Variants in ABTB1 observed in about 807,000 individuals in gnomAD.
ABTB1 encodes ankyrin repeat and BTB/POZ domain-containing protein 1.
In ABTB1, 45 loss-of-function variants were observed where a neutral mutation model predicts 57.1. That is an observed-to-expected ratio of 0.79 (90% CI 0.62 to 1.01). The LOEUF (loss-of-function observed/expected upper bound fraction) is 1.01, where lower values mean the gene tolerates loss of function less well. Ranked by LOEUF, ABTB1 falls within the 50% of genes least tolerant of loss-of-function variation. ABTB1 has a pLI of 0.00. For missense variants in ABTB1, 630 were observed against 666.3 expected (o/e 0.95, Z 0.60); for synonymous variants, 302 against 275.4 (o/e 1.10, Z -0.95).
rs770591413 is a variant in ABTB1, at chr3:127,680,669, C to A, written c.*194C>A. 7.9e-6 allele frequency: 6 copies of A among 762,058 alleles called. No individual in the cohort carries two copies. Among genetic ancestry groups the A allele is most frequent in the Middle Eastern group, 2.3e-4 (1 of 4,310 alleles). 47.2% of individuals were successfully genotyped at this position (762,058 alleles called of 1,614,324 possible). A position where few individuals can be genotyped will look rare whatever the true frequency, so the allele number is the denominator to read the frequency against. ...AGGATCCATTTGGGATGAGCCCCCT[C>A]CCCCCAATGCACAAGCCAGCCCCCA... On this transcript the variant is annotated 3_prime_UTR_variant, in exon 12 of 12. Coordinates refer to ENST00000232744, the MANE Select transcript of ABTB1 (RefSeq NM_172027.3).
In ABTB1 at chr3:127,676,290, C is replaced by A; in HGVS notation, c.339C>A (p.Ile113=). Reference sequence around the variant, plus strand: ...TCCCCAGGCTTCTAGAGCAGGGCATCCACAGTGACGTGGTCTTTGTAGTAC... The same window carrying A: ...TCCCCAGGCTTCTAGAGCAGGGCATACACAGTGACGTGGTCTTTGTAGTAC... ...DFLQRLLEQG[I]HSDVVFVVHG... is the part of the protein sequence containing the mutation. Residue 113 remains isoleucine (I), a synonymous_variant, in exon 5 of 12, where the codon ATC becomes ATA. Transcript: ENST00000232744. The surrounding 1 kb of genome is among the most constrained non-coding windows in gnomAD (Gnocchi z 5.4). The A allele has an allele frequency of 6.2e-7, 1 of 1,613,772 alleles. No individual in the cohort carries two copies. Among genetic ancestry groups the A allele is most frequent in the Non-Finnish European group, 8.5e-7 (1 of 1,179,806 alleles).
At chr3:127,673,133 C>A (rs1379815517) in intron 1 of ABTB1, 52 bp downstream of exon 1, 2 of 1,465,082 alleles carry the variant, frequency 1.4e-6, no homozygotes, top group South Asian at 1.3e-5. Flanking sequence ...GCCCTCGGAA[C>A]GCCTCGGGCC....
In ABTB1 at chr3:127,676,665, C is replaced by G; in HGVS notation, c.526+84C>G. ...TACACCTAGGTGTGGCTGGGCTGAC[C>G]TTTCACCTCTAGACACTTCATGGTC... On this transcript the variant is annotated intron_variant, in intron 6 of 11. Transcript: ENST00000232744. This position sits in a 1 kb window ranked among gnomAD's most constrained non-coding sequence, Gnocchi z 5.4. The G allele has an allele frequency of 2.6e-6, 4 of 1,550,504 alleles. No homozygotes were observed. Among genetic ancestry groups the G allele is most frequent in the Non-Finnish European group, 2.7e-6 (3 of 1,126,944 alleles).
chr3:127,673,006 C>T lies in ABTB1; in HGVS notation c.-20C>T, dbSNP rs777178382. ...CTTCGCCGCCCGAGGTCGTTCGGCT[C>T]GGGTACCATCCTCCGCGCCATGGAC... On this transcript the variant is annotated 5_prime_UTR_variant, in exon 1 of 12. Transcript: ENST00000232744. The T allele has an allele frequency of 5.1e-6, 8 of 1,554,520 alleles. No homozygotes were observed. The South Asian group carries it at 8.2e-5, about 16-fold the overall frequency.
chr3:127,674,279 G>T, intron 1 of ABTB1, 112 bp from the exon 2 acceptor site: 1 of 1,414,356 alleles, frequency 7.1e-7, no homozygotes, highest in Non-Finnish European at 9.7e-7. Context: ...CCTCACCTGG[G>T]GGAGGCTTCC....
Position 127,673,023 on chromosome 3 carries a change from G to T in ABTB1, c.-3G>T. 1 of 1,567,396 alleles carries T rather than the reference G, an allele frequency of 6.4e-7. No individual in the cohort carries two copies. Among genetic ancestry groups the T allele is most frequent in the South Asian group, 1.2e-5 (1 of 86,362 alleles). On this transcript the variant is annotated 5_prime_UTR_variant, in exon 1 of 12. Coordinates refer to ENST00000232744, the MANE Select transcript of ABTB1 (RefSeq NM_172027.3). Reference sequence around the variant, plus strand: ...GTTCGGCTCGGGTACCATCCTCCGCGCCATGGACACCAGCGACCTGTTCGC... The same window carrying T: ...GTTCGGCTCGGGTACCATCCTCCGCTCCATGGACACCAGCGACCTGTTCGC...
At chr3:127,679,692 C>T (rs1043623310) in intron 10 of ABTB1, 20 of 556,116 alleles carry the variant, frequency 3.6e-5, no homozygotes, top group East Asian at 3.1e-4. Context: ...CTGTATAACT[C>T]GGAGCTCAGA....
chr3:127,679,716 G>A (rs997577971), intron 10 of ABTB1: 42 of 579,282 alleles, frequency 7.3e-5, no homozygotes, highest in East Asian at 6.6e-5. Context: ...TGGCTCCTGC[G>A]AGGGCCCTGC....
chr3:127,680,264 C>T lies in ABTB1; in HGVS notation c.1231-5C>T, dbSNP rs368943016. 6.8e-5 allele frequency: 110 copies of T among 1,613,434 alleles called. No homozygotes were observed. Among genetic ancestry groups the T allele is most frequent in the Non-Finnish European group, 8.8e-5 (104 of 1,179,834 alleles). On this transcript the variant is annotated splice_region_variant and splice_polypyrimidine_tract_variant and intron_variant, in intron 11 of 11. Transcript: ENST00000232744. The stretch of plus-strand genomic sequence containing the variant: ...CTCCACTGAGCTGGCCCTTCCCGCT[C>T]ATAGCTGGTGGAGCGGGAGGACTTC...
At chr3:127,673,403 C>T (rs937890412) in intron 1 of ABTB1, 1 of 211,396 alleles carries the variant, frequency 4.7e-6, no homozygotes, top group Non-Finnish European at 9.3e-6. Flanking sequence ...GGACGTCAGA[C>T]CCCCCGGGCG....
chr3:127,674,011 C>T (rs1221949411), intron 1 of ABTB1: 2 of 280,404 alleles, frequency 7.1e-6, no homozygotes, highest in Non-Finnish European at 1.4e-5. Context: ...AGCTTTTTCC[C>T]GGGCTCCCTG....
intron 1 of ABTB1, 186 bp from the exon 2 acceptor site, chr3:127,674,205 C>T (rs867325675): frequency 4.4e-6 from 3 of 675,762 alleles, no homozygotes; most frequent in Middle Eastern, 4.1e-4. Context: ...TCGACCCCAC[C>T]TCCACATCCT....
Position 127,676,542 on chromosome 3 carries a change from C to A in ABTB1, c.487C>A (p.Pro163Thr), listed in dbSNP as rs1437971651. 2 of 1,613,976 alleles carry A rather than the reference C, an allele frequency of 1.2e-6. No homozygotes were observed. The highest frequency in any genetic ancestry group is 1.3e-5 in the African/African-American group (1 of 74,896). ...VVVLRHPLIN[P>T]VAFGALLQYL... is the part of the protein sequence containing the mutation. ...TCTGGTTTTCTGCCCACAGATCAAC[C>A]CCGTGGCCTTTGGGGCCCTGCTGCA... Residue 163 changes from proline to threonine, a missense_variant, in exon 6 of 12, where the codon CCC (proline) becomes ACC (threonine). Around this residue, in one of 3 missense-constraint regions of ABTB1, gnomAD observed 579 missense variants for 585.9 expected, o/e 0.99. Coordinates refer to ENST00000232744, the MANE Select transcript of ABTB1 (RefSeq NM_172027.3). This position sits in a 1 kb window ranked among gnomAD's most constrained non-coding sequence, Gnocchi z 5.4.
At chr3:127,677,615 C>G (rs771354283) in intron 9 of ABTB1, 52 bp downstream of exon 9, 19 of 1,613,044 alleles carry the variant, frequency 1.2e-5, no homozygotes, top group Non-Finnish European at 1.4e-5. Flanking sequence ...CCTGAGCCCC[C>G]GTCTAGCTCC....
Position 127,680,314 on chromosome 3 carries a change from G to GC in ABTB1, c.1277dup (p.Ala427GlyfsTer86). 1.9e-6 allele frequency: 3 copies of GC among 1,612,400 alleles called. No homozygotes were observed. Among genetic ancestry groups the GC allele is most frequent in the Non-Finnish European group, 1.7e-6 (2 of 1,179,460 alleles). On this transcript the variant is annotated frameshift_variant, in exon 12 of 12. Transcript: ENST00000232744. LOFTEE classifies it high-confidence loss of function. ...CGTGGAGGCGGTGAAGGAGGAGGCA[G>GC]CGGCTGTGGCAGCCCGGCAGGAGAC... is the stretch of plus-strand genomic sequence containing the variant.
At chr3:127,675,273 T>C (rs2074952003) in intron 3 of ABTB1, among the ~76,000 whole-genome samples, 1 of 146,844 alleles carries the variant, frequency 6.8e-6, no homozygotes, top group Admixed American at 6.7e-5. Flanking sequence ...TCTTTTTTTT[T>C]TTTTTTTTTT....
At chr3:127,675,387 C>G (rs993993532) in intron 3 of ABTB1, 5 of 157,076 alleles carry the variant, frequency 3.2e-5, no homozygotes, top group Non-Finnish European at 5.6e-5. Context: ...CCTGCCTCAG[C>G]CCCTTCAAAT....
intron 1 of ABTB1, chr3:127,673,967 T>C (rs978141895): frequency 1.1e-4 from 28 of 245,844 alleles, no homozygotes; most frequent in African/African-American, 5.6e-4. Flanking sequence ...CTCCTAGAAT[T>C]GTGTGCCCTC....
At chr3:127,675,264 C>CTTTTTTTTTTTT (rs1170878832) in intron 3 of ABTB1, among the ~76,000 whole-genome samples, 7 of 123,808 alleles carry the variant, frequency 5.7e-5, no homozygotes, top group East Asian at 2.3e-4. Context: ...TTGGTTTTTT[C>CTTTTTTTTTTTT]TTTTTTTTTT....
Sources: allele counts gnomAD v4.1 joint callset (sites outside exome capture counted in the v4.1 genomes callset), GRCh38; gene constraint gnomAD v4.1.1; regional missense constraint gnomAD v4.1.1; non-coding constraint Gnocchi (gnomAD v3.1); transcripts MANE v1.5; gene names NCBI Gene and HGNC (gene_info 2026-07-23, HGNC 2026-07-21).